PHACTR1: variants seen among roughly 807,000 people sequenced by gnomAD.
The protein encoded by PHACTR1 is phosphatase and actin regulator 1, also known as RPEL repeat containing 1.
Under a neutral mutation model 69.2 loss-of-function variants are expected in PHACTR1, and 16 were observed. The observed-to-expected ratio is 0.23, with a 90% CI of 0.16 to 0.35. PHACTR1 has a LOEUF of 0.35. Among genes scored for constraint, PHACTR1 ranks in the 10% least tolerant of loss-of-function variants. The pLI, the probability that PHACTR1 is intolerant of heterozygous loss-of-function variation, is 1.00. For missense variants in PHACTR1, 510 were observed against 734.7 expected, an observed-to-expected ratio of 0.69 and a Z score of 3.54; for synonymous variants, 312 against 284.5, an observed-to-expected ratio of 1.10 and a Z score of -0.97.
intron 5 of PHACTR1, among the ~76,000 whole-genome samples, chr6:13,113,499 A>G (rs1817359677): frequency 6.6e-6 from 1 of 152,224 alleles, no homozygotes; most frequent in Admixed American, 6.5e-5. Context: ...AAAAGAGAAC[A>G]TAGATATGAT....
chr6:13,234,413 T>C (rs968304464), intron 10 of PHACTR1, among the ~76,000 whole-genome samples: 1 of 152,222 alleles, frequency 6.6e-6, no homozygotes, highest in African/African-American at 2.4e-5. Context: ...TGGCTATTAA[T>C]GTACTGGAAA....
intron 4 of PHACTR1, among the ~76,000 whole-genome samples, chr6:12,914,735 A>T (rs11752630): frequency 0.11 from 16,553 of 152,112 alleles, 2,067 homozygotes; most frequent in African/African-American, 0.31. Flanking sequence ...GAACAATATT[A>T]AAAAAAATCA....
chr6:13,219,536 G>A (rs953492259), intron 8 of PHACTR1, among the ~76,000 whole-genome samples: 10 of 152,140 alleles, frequency 6.6e-5, no homozygotes, highest in Non-Finnish European at 1.0e-4. Flanking sequence ...GCAGCGCTCC[G>A]TTGTGCAAGG....
chr6:13,173,897 C>T (rs75825498), intron 6 of PHACTR1, among the ~76,000 whole-genome samples: 6,255 of 152,196 alleles, frequency 0.041, 279 homozygotes, highest in African/African-American at 0.11. Context: ...TTTGTAGAGA[C>T]GGGTTTTCAC....
intron 10 of PHACTR1, among the ~76,000 whole-genome samples, chr6:13,231,798 C>T (rs755666973): frequency 6.6e-6 from 1 of 152,216 alleles, no homozygotes; most frequent in Non-Finnish European, 1.5e-5. Flanking sequence ...CCACCATTCT[C>T]TAAACATTTT....
intron 5 of PHACTR1, among the ~76,000 whole-genome samples, chr6:13,137,975 T>C (rs567300910): frequency 1.6e-4 from 24 of 152,184 alleles, no homozygotes; most frequent in Non-Finnish European, 3.2e-4. Context: ...CAGCAACCAT[T>C]GTCAAAGAGA....
intron 4 of PHACTR1, among the ~76,000 whole-genome samples, chr6:12,884,142 C>G (rs1223505264): frequency 6.6e-6 from 1 of 152,096 alleles, no homozygotes; most frequent in Non-Finnish European, 1.5e-5. Context: ...ATACATATAC[C>G]TATGCAAACA....
chr6:13,000,246 A>C (rs2127621407), intron 4 of PHACTR1, among the ~76,000 whole-genome samples: 3 of 152,284 alleles, frequency 2.0e-5, no homozygotes, highest in Admixed American at 2.0e-4. Flanking sequence ...AAGCGGTGGC[A>C]GGTACCAAAG....
At chr6:13,002,772 G>C (rs1307995428) in intron 4 of PHACTR1, among the ~76,000 whole-genome samples, 1 of 152,184 alleles carries the variant, frequency 6.6e-6, no homozygotes, top group Non-Finnish European at 1.5e-5. Context: ...ATCTGAATAT[G>C]CAAATATGAT....
chr6:12,937,571 C>T (rs201686853), intron 4 of PHACTR1, among the ~76,000 whole-genome samples: 2 of 151,946 alleles, frequency 1.3e-5, no homozygotes, highest in East Asian at 3.9e-4. Context: ...AATAAACAAG[C>T]AAATATATAA....
chr6:12,849,067 T>C (rs1006381947), intron 4 of PHACTR1, among the ~76,000 whole-genome samples: 13 of 152,152 alleles, frequency 8.5e-5, no homozygotes, highest in Non-Finnish European at 8.8e-5. Context: ...CATCTCACAG[T>C]GCAAATTCTC....
chr6:13,239,650 C>T (rs1772529564), intron 10 of PHACTR1, among the ~76,000 whole-genome samples: 1 of 152,230 alleles, frequency 6.6e-6, no homozygotes, highest in African/African-American at 2.4e-5. Flanking sequence ...GGGTCACAGC[C>T]ATCACAGGGA....
chr6:13,009,913 G>T (rs1799251212), intron 4 of PHACTR1, among the ~76,000 whole-genome samples: 1 of 147,962 alleles, frequency 6.8e-6, no homozygotes, highest in African/African-American at 2.5e-5. Flanking sequence ...TACTGCTTCA[G>T]ATCAACTTTC....
At chr6:13,128,572 G>A (rs1263002460) in intron 5 of PHACTR1, among the ~76,000 whole-genome samples, 1 of 151,762 alleles carries the variant, frequency 6.6e-6, no homozygotes, top group Non-Finnish European at 1.5e-5. Context: ...TTGAAGACAA[G>A]GCTTTTGAAT....
intron 4 of PHACTR1, among the ~76,000 whole-genome samples, chr6:12,959,765 A>G (rs1792443803): frequency 6.6e-6 from 1 of 152,232 alleles, no homozygotes; most frequent in Non-Finnish European, 1.5e-5. Context: ...CAAGATGCTC[A>G]AAATAGTTTT....
At chr6:12,913,443 C>T (rs539231814) in intron 4 of PHACTR1, among the ~76,000 whole-genome samples, 3 of 152,282 alleles carry the variant, frequency 2.0e-5, no homozygotes, top group South Asian at 4.2e-4. Flanking sequence ...TAACAGCTTC[C>T]ATCTGAGACC....
intron 4 of PHACTR1, among the ~76,000 whole-genome samples, chr6:13,019,016 G>GTA (rs901604606): frequency 1.2e-4 from 18 of 150,386 alleles, no homozygotes; most frequent in East Asian, 3.9e-4. Flanking sequence ...GCTAATTTGT[G>GTA]TATATATATA....
In PHACTR1 at chr6:12,718,801, G is replaced by A. The variant is rs749159097; in HGVS notation, c.57G>A (p.Leu19=). 1 of 1,573,402 alleles carries A rather than the reference G, an allele frequency of 6.4e-7. No individual in the cohort carries two copies. Among genetic ancestry groups the A allele is most frequent in the Non-Finnish European group, 8.6e-7 (1 of 1,156,908 alleles). ...ATGTAGAGTCTGCTCACAGACTCTT[G>A]GATGTTGAGTCAGCTCAAAGATTCT... The part of the protein sequence containing the change: ...FLDVESAHRL[L]DVESAQRFFY... The change falls in exon 3 of 15, where the codon TTG becomes TTA. Residue 19 remains leucine (L), a synonymous_variant. Transcript: ENST00000332995.
At chr6:13,277,947 C>CAAAAA in intron 11 of PHACTR1, 1 of 121,620 alleles carries the variant, frequency 8.2e-6, no homozygotes, top group Non-Finnish European at 1.7e-5. Context: ...GAGACCGTGT[C>CAAAAA]AAAAAAAAAA....
Sources: allele counts gnomAD v4.1 joint callset (sites outside exome capture counted in the v4.1 genomes callset), GRCh38; gene constraint gnomAD v4.1.1; transcripts MANE v1.5; gene names NCBI Gene and HGNC (gene_info 2026-07-23, HGNC 2026-07-21).